Variants in MMP2 observed in about 807,000 individuals in gnomAD.
The protein encoded by MMP2 is matrix metallopeptidase 2, also known as 72 kDa type IV collagenase.
In MMP2, 39 loss-of-function variants were observed where a neutral mutation model predicts 74.8. The ratio of observed to expected loss-of-function variants is 0.52; its 90% CI spans 0.40 to 0.68. MMP2 has a LOEUF of 0.68. MMP2 is among the 30% of genes least tolerant of loss of function. The pLI is 0.00. For synonymous variants in MMP2, 367 were observed against 339.8 expected (o/e 1.08, Z -0.88); for missense variants, 803 against 878.3 (o/e 0.91, Z 1.08).
Position 55,488,531 on chromosome 16 carries a change from C to G in MMP2, c.833-12C>G, listed in dbSNP as rs1397969870. On this transcript the variant is annotated splice_polypyrimidine_tract_variant and intron_variant, in intron 5 of 12. Transcript: ENST00000219070. ...TCTCATTCACATCCTTCCCTCTCTCCCCCACCCTTAGCCCTGTTCACCATG... is the reference window on the plus strand; with the variant it reads ...TCTCATTCACATCCTTCCCTCTCTCGCCCACCCTTAGCCCTGTTCACCATG... 1 of 1,613,074 alleles carries G rather than the reference C, an allele frequency of 6.2e-7. No individual in the cohort carries two copies. Among genetic ancestry groups the G allele is most frequent in the Admixed American group, 1.7e-5 (1 of 59,986 alleles).
At position 55,505,846 on chromosome 16, in the gene MMP2, G is replaced by A. The variant is rs1962788724; in HGVS notation, c.*404G>A. The A allele has an allele frequency of 7.0e-6, 2 of 285,876 alleles. No individual in the cohort carries two copies. The highest frequency in any genetic ancestry group is 8.0e-5 in the South Asian group (2 of 24,998). The allele number at this position is 285,876 out of a possible 1,614,324, so 17.7% of individuals were successfully genotyped here. A position where few individuals can be genotyped will look rare whatever the true frequency, so the allele number is the denominator to read the frequency against. On this transcript the variant is annotated 3_prime_UTR_variant, in exon 13 of 13. Transcript: ENST00000219070. ...TCAAGAGGGCACTGGTGGCCCGACA[G>A]CCTGGCACAGGGCAGTGGGACAGGG... is the stretch of plus-strand genomic sequence containing the variant.
chr16:55,493,409 T>A, intron 9 of MMP2, 116 bp downstream of exon 9: 1 of 1,407,116 alleles, frequency 7.1e-7, no homozygotes, highest in Non-Finnish European at 1.0e-6. Context: ...CAGAATGACC[T>A]GAATTAGGCA....
chr16:55,488,833 C>G, intron 6 of MMP2, 117 bp downstream of exon 6: 1 of 1,108,030 alleles, frequency 9.0e-7, no homozygotes, highest in Non-Finnish European at 1.3e-6. Context: ...GCTAAGACAT[C>G]TGTGCGAATG....
chr16:55,484,076 C>G lies in MMP2; in HGVS notation c.441C>G (p.Ala147=). The change falls in exon 3 of 13, where the codon GCC becomes GCG. Residue 147 remains alanine (A), a synonymous_variant. Coordinates refer to ENST00000219070, the MANE Select transcript of MMP2 (RefSeq NM_004530.6). ...PETVDDAFAR[A]FQVWSDVTPL... ...CAGTGGATGATGCCTTTGCTCGTGC[C>G]TTCCAAGTCTGGAGCGATGTGACCC... The G allele has an allele frequency of 6.2e-7, 1 of 1,614,178 alleles. No homozygotes were observed.
intron 8 of MMP2, 27 bp downstream of exon 8, chr16:55,491,983 TGGAGGGTGAGGAGGGG>T: frequency 9.4e-7 from 1 of 1,061,202 alleles, no homozygotes; most frequent in Non-Finnish European, 1.3e-6. Flanking sequence ...GGGTTGGGGG[TGGAGGGTGAGGAGGGG>T]GGAGGTCATG....
intron 11 of MMP2, among the ~76,000 whole-genome samples, chr16:55,501,002 A>G (rs1371678715): frequency 6.6e-6 from 1 of 152,204 alleles, no homozygotes; most frequent in Non-Finnish European, 1.5e-5. Context: ...AAAAATCATC[A>G]CACCCTGCCC....
intron 4 of MMP2, 53 bp from the exon 5 acceptor site, chr16:55,485,551 C>A: frequency 6.2e-7 from 1 of 1,612,408 alleles, no homozygotes; most frequent in South Asian, 1.1e-5. Context: ...GAATCTTGGT[C>A]TCCAAAGAAG....
intron 12 of MMP2, 91 bp from the exon 13 acceptor site, chr16:55,505,248 A>G (rs947811760): frequency 1.0e-5 from 11 of 1,073,008 alleles, no homozygotes; most frequent in Non-Finnish European, 1.6e-5. Context: ...CTTCTTCCCT[A>G]TGCCAGGCAG....
chr16:55,500,060 A>G (rs1014317553), intron 11 of MMP2, among the ~76,000 whole-genome samples: 28 of 150,922 alleles, frequency 1.9e-4, no homozygotes, highest in Non-Finnish European at 2.9e-4. Context: ...GAAACTCTTT[A>G]TATCCCAGGC....
At position 55,486,341 on chromosome 16, in the gene MMP2, G is replaced by GCC. The variant is rs1166544023; in HGVS notation, c.832+564_832+565insCC. 3.4e-3 allele frequency among the ~76,000 whole-genome samples: 332 copies of GCC among 96,384 alleles called. 1 individual carries two copies. The highest frequency in any genetic ancestry group is 0.021 in the East Asian group (61 of 2,878). 63.2% of individuals were successfully genotyped at this position (96,384 alleles called of 152,430 possible). ...CTAATGCGTGTGTGTGTGTGTGTGT[G>GCC]TGTGCCTGTGTGTGTGTGTGTGTGT... On this transcript the variant is annotated intron_variant, in intron 5 of 12. Coordinates refer to ENST00000219070, the MANE Select transcript of MMP2 (RefSeq NM_004530.6).
In MMP2 at chr16:55,484,167, A is replaced by G; in HGVS notation, c.529+3A>G. On this transcript the variant is annotated splice_donor_region_variant and intron_variant, in intron 3 of 12. Transcript: ENST00000219070. ...CATGATCAACTTTGGCCGCTGGGGT[A>G]GGCAGAAGATGGGGCAGAAGAGGGG... 6.2e-7 allele frequency: 1 copy of G among 1,614,012 alleles called. No homozygotes were observed. Among genetic ancestry groups the G allele is most frequent in the Non-Finnish European group, 8.5e-7 (1 of 1,179,980 alleles).
chr16:55,484,221 G>A, intron 3 of MMP2, 57 bp downstream of exon 3: 1 of 1,585,126 alleles, frequency 6.3e-7, no homozygotes, highest in Non-Finnish European at 8.6e-7. Flanking sequence ...GAGACGAGGG[G>A]GTGAGATGGA....
chr16:55,503,381 C>T (rs149924469), intron 12 of MMP2, among the ~76,000 whole-genome samples: 2 of 152,224 alleles, frequency 1.3e-5, no homozygotes. Context: ...CCAGTAGCAG[C>T]GAGGGATAGA....
intron 11 of MMP2, among the ~76,000 whole-genome samples, chr16:55,500,489 G>GCACACACACACACACA (rs1962639142): frequency 1.4e-5 from 1 of 72,084 alleles, no homozygotes; most frequent in East Asian, 6.4e-4. Flanking sequence ...GTGCGCATGT[G>GCACACACACACACACA]CGCATACACA....
In MMP2 at chr16:55,482,629, G is replaced by T. The variant is rs76209154; in HGVS notation, c.154-280G>T. On this transcript the variant is annotated intron_variant, in intron 1 of 12. Coordinates refer to ENST00000219070, the MANE Select transcript of MMP2 (RefSeq NM_004530.6). ...CATTACAGAGTTTTGAGCATTAAATGAGTTAACATATTCTGACTTTAGTGC... is the reference window on the plus strand; with the variant it reads ...CATTACAGAGTTTTGAGCATTAAATTAGTTAACATATTCTGACTTTAGTGC... Among the ~76,000 whole-genome samples the T allele has an allele frequency of 4.3e-4, 65 of 152,292 alleles. No homozygotes were observed. The East Asian group carries it at 0.012, about 27-fold the overall frequency.
At chr16:55,481,611 C>T in intron 1 of MMP2, 1 of 472,866 alleles carries the variant, frequency 2.1e-6, no homozygotes, top group Non-Finnish European at 3.8e-6. Context: ...CCTCATCTTA[C>T]CCAGCCCCCC....
intron 11 of MMP2, 76 bp downstream of exon 11, chr16:55,498,524 C>T (rs967794570): frequency 6.2e-7 from 1 of 1,603,338 alleles, no homozygotes; most frequent in Non-Finnish European, 8.5e-7. Context: ...GGCTTCAAGC[C>T]TCCTGGGCTG....
At chr16:55,489,579 G>C in intron 6 of MMP2, 72 bp from the exon 7 acceptor site, 2 of 1,577,310 alleles carry the variant, frequency 1.3e-6, no homozygotes, top group South Asian at 1.1e-5. Context: ...TAAGGTCAGC[G>C]TCATGTCATT....
intron 1 of MMP2, chr16:55,481,591 C>A: frequency 2.4e-6 from 1 of 421,142 alleles, no homozygotes; most frequent in Non-Finnish European, 4.2e-6. Flanking sequence ...TGAAGCACAG[C>A]AGGTCTCAGC....
Sources: allele counts gnomAD v4.1 joint callset (sites outside exome capture counted in the v4.1 genomes callset), GRCh38; gene constraint gnomAD v4.1.1; transcripts MANE v1.5; gene names NCBI Gene and HGNC (gene_info 2026-07-23, HGNC 2026-07-21).